Variants in SYTL5 observed in about 807,000 individuals in gnomAD.
SYTL5 encodes the protein synaptotagmin-like protein 5.
In SYTL5, 34 loss-of-function variants were observed where a neutral mutation model predicts 55.9. The ratio of observed to expected loss-of-function variants is 0.61; its 90% CI spans 0.46 to 0.81. The LOEUF is 0.81. Ranked by LOEUF, SYTL5 falls within the 30% of genes least tolerant of loss-of-function variation. The pLI is 0.00. For missense variants in SYTL5, 637 were observed against 546.7 expected (o/e 1.17, Z -1.65); for synonymous variants, 221 against 188.7 (o/e 1.17, Z -1.40).
intron 3 of SYTL5, among the ~76,000 whole-genome samples, chrX:38,066,032 G>A (rs761044029): frequency 5.4e-5 from 6 of 110,951 alleles, no homozygotes; most frequent in Non-Finnish European, 1.1e-4. Flanking sequence ...CCTAGAAGGT[G>A]GAGGTTGCAA....
chrX:37,971,217 CCTT>C, the SYTL5 span, among the ~76,000 whole-genome samples: 3 of 105,347 alleles, frequency 2.8e-5, no homozygotes, highest in African/African-American at 1.1e-4. Flanking sequence ...CTTATAAAGA[CCTT>C]CTTTTTTTTT....
the SYTL5 span, among the ~76,000 whole-genome samples, chrX:37,944,317 G>A: frequency 1.8e-5 from 2 of 110,880 alleles, no homozygotes; most frequent in East Asian, 2.8e-4. Context: ...AAAAGAGTCT[G>A]GGGGCATTTT....
Position 38,106,723 on chromosome X carries a change from A to T in SYTL5, c.1286A>T (p.Asn429Ile). ...KTGGLYIFVK[N>I]CRNLAIGDEK... ...GGTGGGCTGTACATTTTTGTCAAGAATTGCAGAAATCTGGCCATAGGAGAT... is the reference window on the plus strand; with the variant it reads ...GGTGGGCTGTACATTTTTGTCAAGATTTGCAGAAATCTGGCCATAGGAGAT... Residue 429 changes from asparagine to isoleucine, a missense_variant, in exon 11 of 17, where the codon AAT becomes ATT. By Grantham distance (149) the Asn-to-Ile change is moderately radical. Coordinates refer to ENST00000297875, the MANE Select transcript of SYTL5 (RefSeq NM_138780.3). 1 of 1,209,014 alleles carries T rather than the reference A, an allele frequency of 8.3e-7. No individual in the cohort carries two copies. Among genetic ancestry groups the T allele is most frequent in the Non-Finnish European group, 1.1e-6 (1 of 894,465 alleles).
At chrX:38,092,021 T>A (rs1319810049) in intron 7 of SYTL5, among the ~76,000 whole-genome samples, 1 of 112,312 alleles carries the variant, frequency 8.9e-6, no homozygotes. Context: ...AAGTACTTTC[T>A]ATTGAATAAA....
chrX:37,925,355 A>C, the SYTL5 span, among the ~76,000 whole-genome samples: 1 of 111,342 alleles, frequency 9.0e-6, no homozygotes, highest in African/African-American at 3.3e-5. Flanking sequence ...GGGAGTGCAG[A>C]TGTCGTTTTG....
At chrX:38,100,256 G>C (rs916926984) in intron 9 of SYTL5, among the ~76,000 whole-genome samples, 3 of 110,998 alleles carry the variant, frequency 2.7e-5, no homozygotes, top group Non-Finnish European at 3.8e-5. Flanking sequence ...TCATCAGTGA[G>C]AAAAAGGCAG....
the SYTL5 span, among the ~76,000 whole-genome samples, chrX:37,892,687 A>T: frequency 1.0e-4 from 9 of 85,856 alleles, no homozygotes; most frequent in African/African-American, 4.9e-4. Flanking sequence ...TGTATATATT[A>T]GTATATATAC....
chrX:38,073,507 G>A (rs1936316999), intron 4 of SYTL5, 83 bp from the exon 5 acceptor site: 2 of 716,561 alleles, frequency 2.8e-6, no homozygotes, highest in South Asian at 5.7e-5. Flanking sequence ...AGCTAATCTG[G>A]GAAAGTGAAA....
At chrX:37,913,125 C>T in the SYTL5 span, among the ~76,000 whole-genome samples, 1 of 111,540 alleles carries the variant, frequency 9.0e-6, no homozygotes, top group Non-Finnish European at 1.9e-5. Context: ...CATCTTGGAC[C>T]ATGGAGTGAC....
At chrX:37,899,240 C>T in the SYTL5 span, among the ~76,000 whole-genome samples, 10 of 110,529 alleles carry the variant, frequency 9.0e-5, no homozygotes, top group African/African-American at 3.0e-4. Context: ...CTTATTAGGT[C>T]GCCCAGGGTA....
chrX:37,946,609 A>C, the SYTL5 span: 1 of 135,966 alleles, frequency 7.4e-6, no homozygotes, highest in Non-Finnish European at 1.5e-5. Flanking sequence ...CAAACCTTTA[A>C]ATCTCATCCT....
At chrX:37,975,622 A>G in the SYTL5 span, among the ~76,000 whole-genome samples, 1 of 111,728 alleles carries the variant, frequency 9.0e-6, no homozygotes, top group Non-Finnish European at 1.9e-5. Flanking sequence ...TCCCATGGTC[A>G]CAGAGTGGGT....
chrX:38,037,226 C>T (rs766946703), intron 2 of SYTL5, among the ~76,000 whole-genome samples: 37 of 111,965 alleles, frequency 3.3e-4, no homozygotes, highest in Non-Finnish European at 6.4e-4. Context: ...GCAACTTAAG[C>T]TCCAGAGCTT....
chrX:38,018,157 G>C (rs1228188572), intron 1 of SYTL5, among the ~76,000 whole-genome samples: 1 of 111,496 alleles, frequency 9.0e-6, no homozygotes, highest in Non-Finnish European at 1.9e-5. Flanking sequence ...TCCAGCCTTT[G>C]TATAAGGGCA....
the SYTL5 span, among the ~76,000 whole-genome samples, chrX:37,945,665 C>T: frequency 8.9e-6 from 1 of 111,976 alleles, no homozygotes; most frequent in South Asian, 3.8e-4. Flanking sequence ...TTTACTTAAT[C>T]TTAACAGTAA....
the SYTL5 span, among the ~76,000 whole-genome samples, chrX:37,930,182 T>TGCTTAAGCA: frequency 8.9e-6 from 1 of 112,082 alleles, no homozygotes; most frequent in African/African-American, 3.2e-5. Context: ...AATTCCAGTT[T>TGCTTAAGCA]GCTTAAGCAT....
intron 10 of SYTL5, among the ~76,000 whole-genome samples, chrX:38,104,321 G>A (rs1462194117): frequency 5.4e-5 from 6 of 111,564 alleles, no homozygotes; most frequent in Admixed American, 9.5e-5. Context: ...ACACAGTTTC[G>A]GAACTGCAGG....
At chrX:38,085,658 C>G (rs1459227823) in intron 6 of SYTL5, among the ~76,000 whole-genome samples, 1 of 111,216 alleles carries the variant, frequency 9.0e-6, no homozygotes, top group East Asian at 2.8e-4. Context: ...TCTCATTGTC[C>G]CAGTGAGTTT....
chrX:38,122,971 C>G (rs138435318), intron 15 of SYTL5, among the ~76,000 whole-genome samples: 1 of 112,491 alleles, frequency 8.9e-6, no homozygotes, highest in African/African-American at 3.2e-5. Flanking sequence ...CATGGAACTC[C>G]GTAAAGCACA....
Sources: allele counts gnomAD v4.1 joint callset (sites outside exome capture counted in the v4.1 genomes callset), GRCh38; gene constraint gnomAD v4.1.1; transcripts MANE v1.5; gene names NCBI Gene and HGNC (gene_info 2026-07-23, HGNC 2026-07-21).